Variants in SRFBP1 observed in about 807,000 individuals in gnomAD.
The protein encoded by SRFBP1 is serum response factor binding protein 1, also known as serum response factor-binding protein 1.
In SRFBP1, 47 loss-of-function variants were observed where a neutral mutation model predicts 45.5. That is an observed-to-expected ratio of 1.03 (90% CI 0.82 to 1.32). SRFBP1 has a LOEUF of 1.32. Among genes scored for constraint, SRFBP1 ranks in the 40% most tolerant of loss-of-function variants. The pLI is 0.00. For synonymous variants in SRFBP1, 203 were observed against 166.3 expected (o/e 1.22, Z -1.70); for missense variants, 621 against 484.6 (o/e 1.28, Z -2.64).
chr5:122,027,594 C>CT lies in SRFBP1; in HGVS notation c.*469dup, dbSNP rs1158384251. 6.6e-6 allele frequency: 1 copy of CT among 152,044 alleles called. No homozygotes were observed. Among genetic ancestry groups the CT allele is most frequent in the East Asian group, 1.9e-4 (1 of 5,186 alleles). 9.4% of individuals were successfully genotyped at this position (152,044 alleles called of 1,614,324 possible). A position where few individuals can be genotyped will look rare whatever the true frequency, so the allele number is the denominator to read the frequency against. ...TGAAATGTGCTTCACTGGTTCAGCT[C>CT]TGTTGTTTCCTTAAACATAAATGTC... is the stretch of plus-strand genomic sequence containing the variant. On this transcript the variant is annotated 3_prime_UTR_variant, in exon 8 of 8. Coordinates refer to ENST00000339397, the MANE Select transcript of SRFBP1 (RefSeq NM_152546.3).
intron 2 of SRFBP1, among the ~76,000 whole-genome samples, chr5:122,072,188 C>T (rs1754470919): frequency 6.6e-6 from 1 of 152,154 alleles, no homozygotes; most frequent in African/African-American, 2.4e-5. Context: ...CAGTGCTTAT[C>T]TTGCCTTCAA....
intron 4 of SRFBP1, among the ~76,000 whole-genome samples, chr5:122,005,960 A>T (rs2112690031): frequency 6.6e-6 from 1 of 152,296 alleles, no homozygotes; most frequent in East Asian, 1.9e-4. Flanking sequence ...GAGTATTAGG[A>T]GATTCTAAAT....
chr5:122,034,962 T>G (rs899540980), intron 2 of SRFBP1, among the ~76,000 whole-genome samples: 11 of 152,186 alleles, frequency 7.2e-5, no homozygotes, highest in African/African-American at 2.7e-4. Context: ...GAGTGTCTGT[T>G]GCCCCTTTCC....
chr5:121,974,605 A>G (rs1348713399), intron 2 of SRFBP1, among the ~76,000 whole-genome samples: 5 of 152,074 alleles, frequency 3.3e-5, no homozygotes, highest in South Asian at 2.1e-4. Flanking sequence ...AGATACTGAT[A>G]CAGCTTAACA....
chr5:122,039,087 C>T (rs1473506827), intron 2 of SRFBP1, among the ~76,000 whole-genome samples: 1 of 152,152 alleles, frequency 6.6e-6, no homozygotes, highest in African/African-American at 2.4e-5. Flanking sequence ...GATCAGAGGA[C>T]TTCAAAATGC....
intron 2 of SRFBP1, among the ~76,000 whole-genome samples, chr5:122,036,407 C>G (rs947490289): frequency 3.3e-5 from 5 of 152,134 alleles, no homozygotes; most frequent in Admixed American, 1.3e-4. Flanking sequence ...CAAGTTGTCA[C>G]ACATTGTGCT....
rs546868006 is a variant in SRFBP1 at position 122,042,277 on chromosome 5, T to A, written n.311+19870T>A. Among the ~76,000 whole-genome samples, 69 of 152,318 alleles carry A rather than the reference T, an allele frequency of 4.5e-4. 1 individual carries two copies. In the South Asian group the frequency reaches 0.014, roughly 31 times the overall value. On this transcript the variant is annotated intron_variant and non_coding_transcript_variant, in intron 2 of 2. Transcript: ENST00000504881. ...CTCTTGATTTTTTAAAATTTTATTT[T>A]TTATTTTTTGAGACAGGGTCTCACT...
At chr5:122,039,126 G>A (rs1753735155) in intron 2 of SRFBP1, among the ~76,000 whole-genome samples, 1 of 152,188 alleles carries the variant, frequency 6.6e-6, no homozygotes, top group African/African-American at 2.4e-5. Flanking sequence ...AACTATAACA[G>A]AACGGTGTGT....
At chr5:121,965,887 T>TG (rs1752053728) in intron 1 of SRFBP1, among the ~76,000 whole-genome samples, 1 of 152,074 alleles carries the variant, frequency 6.6e-6, no homozygotes, top group African/African-American at 2.4e-5. Flanking sequence ...TTGTAGTTCT[T>TG]GAAGAGGTCC....
At chr5:122,007,855 T>C (rs1753010064) in intron 4 of SRFBP1, among the ~76,000 whole-genome samples, 1 of 152,160 alleles carries the variant, frequency 6.6e-6, no homozygotes, top group Non-Finnish European at 1.5e-5. Flanking sequence ...GGAGCAGGTC[T>C]GAAACCCGGG....
chr5:122,023,986 G>C lies in SRFBP1; in HGVS notation c.1105+1579G>C, dbSNP rs539439600. ...AAATTAATCAGATTTGGATGGGAGT[G>C]CCATACATTTAGTCTTATCTCTGCT... On this transcript the variant is annotated intron_variant, in intron 7 of 7. Transcript: ENST00000339397. Among the ~76,000 whole-genome samples the C allele has an allele frequency of 2.6e-5, 4 of 152,322 alleles. No homozygotes were observed. In the South Asian group the frequency reaches 8.3e-4, roughly 32 times the overall value.
At chr5:121,976,740 TATATATATATATA>T (rs1475575430) in intron 3 of SRFBP1, among the ~76,000 whole-genome samples, 6 of 148,380 alleles carry the variant, frequency 4.0e-5, no homozygotes, top group African/African-American at 7.4e-5. Flanking sequence ...TGTATGCATG[TATATATATATATA>T]ATATATATAT....
chr5:121,994,474 G>C, intron 3 of SRFBP1, 125 bp from the exon 4 acceptor site: 1 of 657,018 alleles, frequency 1.5e-6, no homozygotes, highest in Non-Finnish European at 2.6e-6. Flanking sequence ...TTTTATGGGA[G>C]TTAATTCTTT....
chr5:121,979,857 A>G (rs1752373928), intron 3 of SRFBP1, among the ~76,000 whole-genome samples: 1 of 152,180 alleles, frequency 6.6e-6, no homozygotes, highest in Non-Finnish European at 1.5e-5. Context: ...CTAAGGTTAT[A>G]TAGCTTACAT....
chr5:122,072,626 T>C (rs1024237066), intron 2 of SRFBP1, among the ~76,000 whole-genome samples: 3 of 152,188 alleles, frequency 2.0e-5, no homozygotes, highest in African/African-American at 7.2e-5. Context: ...GAGACTATTT[T>C]TTCCTTTAAA....
At chr5:122,049,468 G>A (rs975309090) in intron 2 of SRFBP1, among the ~76,000 whole-genome samples, 3 of 152,052 alleles carry the variant, frequency 2.0e-5, no homozygotes, top group African/African-American at 7.2e-5. Context: ...ACAGATCAAC[G>A]AGACAGAAAG....
chr5:122,058,786 C>G (rs1754126399), intron 2 of SRFBP1, among the ~76,000 whole-genome samples: 1 of 152,028 alleles, frequency 6.6e-6, no homozygotes. Flanking sequence ...AGCCCCAAAG[C>G]AGTGGTAAAT....
rs76282818 is a variant in SRFBP1 at position 121,989,540 on chromosome 5, A to G, written c.199-5059A>G. ...CACGATTAAGTGTGGTGCATGCGGG[A>G]CTAGGTGATCTTTAAACACTGAATA... On this transcript the variant is annotated intron_variant, in intron 3 of 7. Transcript: ENST00000339397. Among the ~76,000 whole-genome samples the G allele has an allele frequency of 6.6e-3, 998 of 152,304 alleles. 17 individuals are homozygous for G. The highest frequency in any genetic ancestry group is 0.023 in the African/African-American group (956 of 41,556).
intron 1 of SRFBP1, among the ~76,000 whole-genome samples, chr5:121,970,663 C>G (rs1464171494): frequency 6.6e-6 from 1 of 151,796 alleles, no homozygotes; most frequent in Non-Finnish European, 1.5e-5. Flanking sequence ...GGAAAGAAAC[C>G]TGATTACTGT....
Sources: allele counts gnomAD v4.1 joint callset (sites outside exome capture counted in the v4.1 genomes callset), GRCh38; gene constraint gnomAD v4.1.1; transcripts MANE v1.5; gene names NCBI Gene and HGNC (gene_info 2026-07-23, HGNC 2026-07-21).